The following FAM107B variants were observed in gnomAD, a reference collection of about 807,000 sequenced individuals.
FAM107B encodes family with sequence similarity 107 member B.
In FAM107B, 21 loss-of-function variants were observed where a neutral mutation model predicts 31.5. That is an observed-to-expected ratio of 0.67 (90% confidence interval 0.47 to 0.96). The LOEUF (loss-of-function observed/expected upper bound fraction) is 0.96. Among genes scored for constraint, FAM107B ranks in the 40% least tolerant of loss-of-function variants. The probability of loss-of-function intolerance (pLI) is 0.00; values close to 1 mark genes in which losing one functional copy is unlikely to be tolerated. For synonymous variants in FAM107B, 157 were observed against 141.5 expected (o/e 1.11, Z -0.78); for missense variants, 452 against 377.1 (o/e 1.20, Z -1.64).
chr10:14,641,649 G>C (rs7913727), intron 2 of FAM107B, among the ~76,000 whole-genome samples: 1 of 152,132 alleles, frequency 6.6e-6, no homozygotes, highest in Non-Finnish European at 1.5e-5. Context: ...CTCTTCTTCT[G>C]AGGGCACTAT....
chr10:14,767,259 T>G (rs1238277987), intron 1 of FAM107B, among the ~76,000 whole-genome samples: 2 of 150,716 alleles, frequency 1.3e-5, no homozygotes, highest in Non-Finnish European at 3.0e-5. Context: ...ACCCAGCTAA[T>G]TTTTGTATTT....
At chr10:14,767,020 G>GTA (rs1554757965) in intron 1 of FAM107B, among the ~76,000 whole-genome samples, 17 of 30,400 alleles carry the variant, frequency 5.6e-4, no homozygotes, top group African/African-American at 1.3e-3. Context: ...TCCCTGATGT[G>GTA]TATGTATATA....
At chr10:14,560,686 G>T (rs141769906) in intron 2 of FAM107B, among the ~76,000 whole-genome samples, 16 of 152,300 alleles carry the variant, frequency 1.1e-4, no homozygotes, top group Non-Finnish European at 1.8e-4. Flanking sequence ...TTAAAAACAC[G>T]GCTGCCATCA....
intron 1 of FAM107B, among the ~76,000 whole-genome samples, chr10:14,741,206 A>T (rs1856429445): frequency 6.6e-6 from 1 of 152,176 alleles, no homozygotes; most frequent in Non-Finnish European, 1.5e-5. Flanking sequence ...GAAAAGAGCG[A>T]GGCAGGAGCT....
chr10:14,681,684 A>G (rs1041776749), intron 1 of FAM107B, among the ~76,000 whole-genome samples: 3 of 152,168 alleles, frequency 2.0e-5, no homozygotes, highest in African/African-American at 7.2e-5. Flanking sequence ...TGCTATGATT[A>G]GAAACCTCCC....
At chr10:14,576,847 T>C (rs7904177) in intron 2 of FAM107B, among the ~76,000 whole-genome samples, 100,836 of 152,064 alleles carry the variant, frequency 0.66, 33,639 homozygotes, top group East Asian at 0.8. Flanking sequence ...CAGAAATGAT[T>C]AGATCCCTGA....
intron 2 of FAM107B, among the ~76,000 whole-genome samples, chr10:14,628,112 G>GTTTTTTTTTGTTT (rs58879328): frequency 2.8e-4 from 26 of 92,684 alleles, no homozygotes; most frequent in East Asian, 4.4e-4. Flanking sequence ...TGTTTTGCTG[G>GTTTTTTTTTGTTT]TTTTTTTTTT....
intron 2 of FAM107B, among the ~76,000 whole-genome samples, chr10:14,547,016 T>C (rs1848756333): frequency 6.6e-6 from 1 of 152,216 alleles, no homozygotes; most frequent in African/African-American, 2.4e-5. Flanking sequence ...AATCACTGAA[T>C]TGTTTCTGCC....
At chr10:14,682,016 G>C (rs1193906952) in intron 1 of FAM107B, among the ~76,000 whole-genome samples, 1 of 152,158 alleles carries the variant, frequency 6.6e-6, no homozygotes. Flanking sequence ...CACACCTGTT[G>C]AACATTTCCA....
rs113291881 is a variant in FAM107B, at chr10:14,534,505, C to T, written c.470-3990G>A. ...CAACTCTGGTATAAGGCAACTCTTG[C>T]GTCTCACAAATCCTATCTTCCGATC... On this transcript the variant is annotated intron_variant, in intron 2 of 4. Coordinates refer to ENST00000181796, the MANE Select transcript of FAM107B (RefSeq NM_031453.4). 1.9e-3 allele frequency among the ~76,000 whole-genome samples: 287 copies of T among 152,308 alleles called. 2 individuals are homozygous for T. Among genetic ancestry groups the T allele is most frequent in the African/African-American group, 6.7e-3 (280 of 41,554 alleles).
intron 2 of FAM107B, among the ~76,000 whole-genome samples, chr10:14,629,206 A>T (rs967345592): frequency 7.5e-5 from 9 of 120,300 alleles, no homozygotes; most frequent in East Asian, 5.7e-4. Context: ...TATATATATA[A>T]AATTTATATT....
At chr10:14,568,173 G>C (rs924665739) in intron 2 of FAM107B, among the ~76,000 whole-genome samples, 6 of 152,366 alleles carry the variant, frequency 3.9e-5, no homozygotes, top group Admixed American at 2.6e-4. Flanking sequence ...CGAGGGGAAG[G>C]GTCATGACCC....
At chr10:14,732,965 A>G (rs1434668076) in intron 1 of FAM107B, among the ~76,000 whole-genome samples, 2 of 146,650 alleles carry the variant, frequency 1.4e-5, no homozygotes, top group African/African-American at 4.9e-5. Flanking sequence ...AATACCTTAT[A>G]TTGTATTCTA....
chr10:14,755,235 G>C (rs7070352), intron 1 of FAM107B, among the ~76,000 whole-genome samples: 2,006 of 152,230 alleles, frequency 0.013, 44 homozygotes, highest in African/African-American at 0.044. Flanking sequence ...TCTATTTTGA[G>C]CATGAACAAG....
intron 1 of FAM107B, among the ~76,000 whole-genome samples, chr10:14,725,848 T>TG (rs1354663088): frequency 1.4e-5 from 1 of 69,022 alleles, no homozygotes; most frequent in African/African-American, 6.5e-5. Flanking sequence ...TTTTTGGAAA[T>TG]GGAGTCTTGC....
chr10:14,767,774 T>C (rs551428426), intron 1 of FAM107B, among the ~76,000 whole-genome samples: 1 of 152,310 alleles, frequency 6.6e-6, no homozygotes, highest in East Asian at 1.9e-4. Flanking sequence ...ACAAGGATGC[T>C]TACTTTGCCA....
chr10:14,534,372 G>A (rs1248510351), intron 2 of FAM107B, among the ~76,000 whole-genome samples: 7 of 152,014 alleles, frequency 4.6e-5, no homozygotes, highest in South Asian at 2.1e-4. Context: ...GTGACACCCC[G>A]CCCTGGAGCT....
chr10:14,756,821 T>C (rs1366571612), intron 1 of FAM107B, among the ~76,000 whole-genome samples: 2 of 152,214 alleles, frequency 1.3e-5, no homozygotes, highest in Non-Finnish European at 2.9e-5. Context: ...CATGGATTAC[T>C]ATGCAGCCAT....
chr10:14,710,477 C>CACAA (rs1855620318), intron 1 of FAM107B, among the ~76,000 whole-genome samples: 2 of 131,436 alleles, frequency 1.5e-5, no homozygotes, highest in African/African-American at 5.8e-5. Flanking sequence ...CACACACACA[C>CACAA]AAAATGTTTA....
Sources: allele counts gnomAD v4.1 joint callset (sites outside exome capture counted in the v4.1 genomes callset), GRCh38; gene constraint gnomAD v4.1.1; transcripts MANE v1.5; gene names NCBI Gene and HGNC (gene_info 2026-07-23, HGNC 2026-07-21).